Variants in REDIC1 observed in about 807,000 individuals in gnomAD.
REDIC1 encodes the protein regulator of DNA class I crossover intermediates 1.
the REDIC1 span, among the ~76,000 whole-genome samples, chr12:39,726,942 G>A: frequency 6.6e-6 from 1 of 152,044 alleles, no homozygotes; most frequent in Non-Finnish European, 1.5e-5. Flanking sequence ...TCCTGTGTTT[G>A]TTGGCTGCAT....
chr12:39,874,812 G>A, the REDIC1 span, among the ~76,000 whole-genome samples: 1 of 152,138 alleles, frequency 6.6e-6, no homozygotes, highest in Non-Finnish European at 1.5e-5. Context: ...TTACTCTGGT[G>A]AGAGCCAAGT....
the REDIC1 span, among the ~76,000 whole-genome samples, chr12:39,699,392 C>T: frequency 5.9e-5 from 9 of 152,280 alleles, no homozygotes; most frequent in Middle Eastern, 3.4e-3. Flanking sequence ...GCTTTTCCGA[C>T]GGGCTTAAAA....
the REDIC1 span, among the ~76,000 whole-genome samples, chr12:39,626,603 C>A: frequency 6.6e-6 from 1 of 152,212 alleles, no homozygotes. Context: ...CTGTGAGTAA[C>A]CTTCCCTGCT....
the REDIC1 span, among the ~76,000 whole-genome samples, chr12:39,776,702 A>G: frequency 6.6e-6 from 1 of 150,646 alleles, no homozygotes; most frequent in Non-Finnish European, 1.5e-5. Flanking sequence ...CTAGATTTCC[A>G]TGAGGTAGGG....
the REDIC1 span, among the ~76,000 whole-genome samples, chr12:39,674,743 T>G: frequency 6.6e-6 from 1 of 152,074 alleles, no homozygotes; most frequent in Non-Finnish European, 1.5e-5. Context: ...ACACTCCTGG[T>G]CCCCAGCTTG....
the REDIC1 span, among the ~76,000 whole-genome samples, chr12:39,690,650 C>T: frequency 1.6e-4 from 24 of 151,722 alleles, no homozygotes; most frequent in African/African-American, 3.9e-4. Flanking sequence ...TTATAAGCAA[C>T]GTATCTAGAA....
chr12:39,716,356 C>T, the REDIC1 span, among the ~76,000 whole-genome samples: 2 of 151,990 alleles, frequency 1.3e-5, no homozygotes, highest in Admixed American at 1.3e-4. Context: ...GCACAGTAAA[C>T]TTTCATTTAC....
the REDIC1 span, among the ~76,000 whole-genome samples, chr12:39,818,325 C>A: frequency 1.1e-4 from 2 of 17,818 alleles, no homozygotes; most frequent in African/African-American, 1.1e-3. Context: ...AAATACTGAT[C>A]GGTACCTTCT....
At chr12:39,664,954 T>C in the REDIC1 span, among the ~76,000 whole-genome samples, 2 of 152,232 alleles carry the variant, frequency 1.3e-5, no homozygotes, top group African/African-American at 4.8e-5. Context: ...TGGAGTTCAT[T>C]GTAGATTCTG....
chr12:39,744,586 A>G, the REDIC1 span, among the ~76,000 whole-genome samples: 6 of 152,190 alleles, frequency 3.9e-5, no homozygotes, highest in Non-Finnish European at 8.8e-5. Flanking sequence ...AGTACCCACA[A>G]AGGGCTATAG....
chr12:39,680,878 A>G, the REDIC1 span, among the ~76,000 whole-genome samples: 1 of 152,216 alleles, frequency 6.6e-6, no homozygotes, highest in East Asian at 1.9e-4. Flanking sequence ...GGAGTTGGAA[A>G]CTATTATTCT....
the REDIC1 span, among the ~76,000 whole-genome samples, chr12:39,654,008 A>G: frequency 1.3e-5 from 2 of 150,108 alleles, no homozygotes; most frequent in Non-Finnish European, 3.0e-5. Flanking sequence ...GAGCATTGAG[A>G]GTTTTTATCA....
chr12:39,744,398 T>C, the REDIC1 span, among the ~76,000 whole-genome samples: 1 of 152,186 alleles, frequency 6.6e-6, no homozygotes, highest in Non-Finnish European at 1.5e-5. Flanking sequence ...TCATTAGAAA[T>C]GGAATAAGCG....
chr12:39,665,213 A>G, the REDIC1 span, among the ~76,000 whole-genome samples: 1 of 152,216 alleles, frequency 6.6e-6, no homozygotes, highest in South Asian at 2.1e-4. Flanking sequence ...TAGGTCTAAC[A>G]TGTAAGTCTT....
chr12:39,847,111 C>T, the REDIC1 span, among the ~76,000 whole-genome samples: 2 of 152,120 alleles, frequency 1.3e-5, no homozygotes, highest in African/African-American at 4.8e-5. Context: ...GCAAAGTTGA[C>T]TTTAGACTTC....
the REDIC1 span, among the ~76,000 whole-genome samples, chr12:39,823,204 A>G: frequency 6.6e-6 from 1 of 152,234 alleles, no homozygotes; most frequent in South Asian, 2.1e-4. Flanking sequence ...CAAATGGATT[A>G]AAATATTCTA....
At chr12:39,714,478 T>G in the REDIC1 span, among the ~76,000 whole-genome samples, 1 of 151,596 alleles carries the variant, frequency 6.6e-6, no homozygotes, top group Non-Finnish European at 1.5e-5. Context: ...TTGGGTTTGT[T>G]GCATGATTTT....
the REDIC1 span, among the ~76,000 whole-genome samples, chr12:39,838,338 T>C: frequency 1.1e-5 from 1 of 89,152 alleles, no homozygotes; most frequent in Admixed American, 1.4e-4. Flanking sequence ...CTGGGGACTG[T>C]GGTGGGGTGG....
the REDIC1 span, chr12:39,692,272 A>C: frequency 1.6e-6 from 1 of 644,130 alleles, no homozygotes; most frequent in Non-Finnish European, 2.4e-6. Flanking sequence ...AATTACTTTT[A>C]TATTTTATTA....
Sources: allele counts gnomAD v4.1 joint callset (sites outside exome capture counted in the v4.1 genomes callset), GRCh38; gene constraint gnomAD v4.1.1; transcripts MANE v1.5; gene names NCBI Gene and HGNC (gene_info 2026-07-23, HGNC 2026-07-21).